Variants in FRY observed in about 807,000 individuals in gnomAD.
FRY encodes the protein FRY microtubule binding protein.
A neutral mutation model predicts 348.4 loss-of-function variants in FRY; 128 were observed. That is an observed-to-expected ratio of 0.37 (90% CI 0.32 to 0.43). FRY has a LOEUF of 0.43. Ranked by LOEUF, FRY falls within the 20% of genes least tolerant of loss-of-function variation. The pLI, the probability that FRY is intolerant of heterozygous loss-of-function variation, is 1.00. For synonymous variants in FRY, 1,370 were observed against 1,374.7 expected (o/e 1.00, Z 0.08); for missense variants, 2,736 against 3,695.2 (o/e 0.74, Z 6.73).
rs533521438 is a variant in FRY, at chr13:32,119,255, A to AG, written c.464+1784dup. ...GTGAGTTTCTGCTACTAGGAAAAAA[A>AG]GGTTGGGGGGACTTTAAGGAGGAGC... On this transcript the variant is annotated intron_variant, in intron 4 of 60. Transcript: ENST00000542859. Among the ~76,000 whole-genome samples, 44 of 152,254 alleles carry AG rather than the reference A, an allele frequency of 2.9e-4. No individual in the cohort carries two copies. In the East Asian group the frequency reaches 6.8e-3, roughly 23 times the overall value.
chr13:32,186,205 T>C, intron 26 of FRY, 55 bp from the exon 27 acceptor site: 1 of 1,229,020 alleles, frequency 8.1e-7, no homozygotes, highest in South Asian at 1.2e-5. Flanking sequence ...ATATATATAA[T>C]AGCGATATAC....
chr13:32,051,205 C>A (rs1412388535), intron 1 of FRY, among the ~76,000 whole-genome samples: 2 of 152,042 alleles, frequency 1.3e-5, no homozygotes, highest in African/African-American at 4.8e-5. Flanking sequence ...GACCGTTTCC[C>A]TTTTATTTGG....
chr13:32,081,305 G>T (rs928412341), intron 2 of FRY, among the ~76,000 whole-genome samples: 5 of 152,148 alleles, frequency 3.3e-5, no homozygotes, highest in South Asian at 2.1e-4. Context: ...CTGAAGAGAT[G>T]AATCTAATCA....
intron 55 of FRY, among the ~76,000 whole-genome samples, chr13:32,270,209 CT>C (rs754618805): frequency 0.05 from 7,071 of 140,558 alleles, 385 homozygotes; most frequent in African/African-American, 0.15. Context: ...TTTCTAAAAG[CT>C]TTTTTTTTTT....
intron 54 of FRY, 67 bp downstream of exon 54, chr13:32,265,683 CAAGTT>C (rs749667803): frequency 1.2e-4 from 177 of 1,455,046 alleles, no homozygotes; most frequent in East Asian, 1.9e-4. Context: ...CATTCACACT[CAAGTT>C]AAGTGTCACA....
rs568325364 is a variant in FRY, at chr13:32,243,890, G to A, written c.6688-152G>A. 8.5e-5 allele frequency: 67 copies of A among 789,082 alleles called. No individual in the cohort carries two copies. In the East Asian group the frequency reaches 1.3e-3, roughly 16 times the overall value. 48.9% of individuals were successfully genotyped at this position (789,082 alleles called of 1,614,324 possible). On this transcript the variant is annotated intron_variant, in intron 46 of 60. Coordinates refer to ENST00000542859, the MANE Select transcript of FRY (RefSeq NM_023037.3). ...GAGGATCTCTTGAGGCCAGGAGTTC[G>A]AGACTAGGCTGGGCAACATAGCAAG... is the stretch of plus-strand genomic sequence containing the variant.
intron 11 of FRY, among the ~76,000 whole-genome samples, chr13:32,142,366 A>C (rs927746314): frequency 6.6e-6 from 1 of 152,252 alleles, no homozygotes; most frequent in Non-Finnish European, 1.5e-5. Context: ...TGTGAAAATT[A>C]AAATGAGTTA....
Position 32,236,172 on chromosome 13 carries a change from G to A in FRY, c.5810G>A (p.Arg1937His), listed in dbSNP as rs897858265. ...AGTGACCTCCTAACTGTATTGTCCC[G>A]GTGAGAATCAGCTTAATGATACTTT... ...KNSDLLTVLS[R>H]SSSPDLSSSS... is the part of the protein sequence containing the mutation. The change falls in exon 43 of 61, where the codon CGC (arginine) becomes CAC (histidine). Residue 1937 changes from arginine (R) to histidine (H), a missense_variant and splice_region_variant. Arg to His is a conservative substitution (Grantham distance 29). Around this residue, in one of 9 missense-constraint regions of FRY, gnomAD observed 794 missense variants for 977.0 expected, o/e 0.81. Coordinates refer to ENST00000542859, the MANE Select transcript of FRY (RefSeq NM_023037.3). 6.2e-6 allele frequency: 10 copies of A among 1,603,506 alleles called. No homozygotes were observed. The highest frequency in any genetic ancestry group is 1.3e-5 in the African/African-American group (1 of 74,688).
intron 58 of FRY, among the ~76,000 whole-genome samples, chr13:32,279,120 T>G (rs111679332): frequency 1.3e-5 from 2 of 152,238 alleles, no homozygotes; most frequent in African/African-American, 4.8e-5. Context: ...GTGGAGCTTC[T>G]GATCTTGTCA....
intron 3 of FRY, among the ~76,000 whole-genome samples, chr13:32,112,932 T>C (rs1321145882): frequency 6.6e-6 from 1 of 152,240 alleles, no homozygotes; most frequent in African/African-American, 2.4e-5. Context: ...TAGTCAGCAT[T>C]GCTTTAATTA....
chr13:32,229,072 G>T (rs1885770403), intron 40 of FRY, among the ~76,000 whole-genome samples: 1 of 152,238 alleles, frequency 6.6e-6, no homozygotes, highest in African/African-American at 2.4e-5. Context: ...AGAAGCAGCT[G>T]CCAAGGGGAC....
rs1240380502 is a variant in FRY, at chr13:32,236,175, G to A, written c.5810+3G>A. On this transcript the variant is annotated splice_donor_region_variant and intron_variant, in intron 43 of 60. Coordinates refer to ENST00000542859, the MANE Select transcript of FRY (RefSeq NM_023037.3). ...GACCTCCTAACTGTATTGTCCCGGTGAGAATCAGCTTAATGATACTTTGAC... is the reference window on the plus strand; with the variant it reads ...GACCTCCTAACTGTATTGTCCCGGTAAGAATCAGCTTAATGATACTTTGAC... The A allele has an allele frequency of 6.2e-7, 1 of 1,600,380 alleles. No homozygotes were observed. Among genetic ancestry groups the A allele is most frequent in the Non-Finnish European group, 8.6e-7 (1 of 1,167,518 alleles).
In FRY at chr13:32,124,298, G is replaced by A. The variant is rs914449573; in HGVS notation, c.477G>A (p.Gln159=). Residue 159 remains glutamine, a synonymous_variant, in exon 5 of 61, where the codon CAG becomes CAA. Coordinates refer to ENST00000542859, the MANE Select transcript of FRY (RefSeq NM_023037.3). The part of the protein sequence containing the change: ...TSNKSKSDEQ[Q]RDYLMERRDL... ...TTAAATTTTACAGCGATGAACAACA[G>A]CGAGATTATTTAATGGAAAGACGGG... 1.9e-6 allele frequency: 3 copies of A among 1,588,112 alleles called. No individual in the cohort carries two copies. The highest frequency in any genetic ancestry group is 2.2e-5 in the East Asian group (1 of 44,738).
intron 16 of FRY, among the ~76,000 whole-genome samples, chr13:32,159,601 C>T (rs905675488): frequency 4.6e-5 from 7 of 152,140 alleles, no homozygotes; most frequent in African/African-American, 1.4e-4. Context: ...GCAAAGACTG[C>T]AGTAGTAAGA....
At position 32,297,773 on chromosome 13, in the gene FRY, G is replaced by A. The variant is rs1450967514; in HGVS notation, c.*2313G>A. 6.6e-6 allele frequency: 1 copy of A among 152,160 alleles called. No individual in the cohort carries two copies. The highest frequency in any genetic ancestry group is 2.1e-4 in the South Asian group (1 of 4,828). The allele number at this position is 152,160 out of a possible 1,614,324, so 9.4% of individuals were successfully genotyped here. ...GCTATTGCTCTGTGCCTCTGTTACAGAAGCATTAATGTTAATTGCCTTCCC... is the reference window on the plus strand; with the variant it reads ...GCTATTGCTCTGTGCCTCTGTTACAAAAGCATTAATGTTAATTGCCTTCCC... On this transcript the variant is annotated 3_prime_UTR_variant, in exon 61 of 61. Transcript: ENST00000542859.
chr13:32,295,673 C>G lies in FRY; in HGVS notation c.*213C>G. 1.7e-6 allele frequency: 1 copy of G among 597,466 alleles called. No individual in the cohort carries two copies. Among genetic ancestry groups the G allele is most frequent in the Non-Finnish European group, 3.0e-6 (1 of 334,656 alleles). The allele number at this position is 597,466 out of a possible 1,614,324, so 37.0% of individuals were successfully genotyped here. On this transcript the variant is annotated 3_prime_UTR_variant, in exon 61 of 61. Coordinates refer to ENST00000542859, the MANE Select transcript of FRY (RefSeq NM_023037.3). Reference sequence around the variant, plus strand: ...CTTAGAACGTCCTGGACAGACTCCACTCATCATGCTGTGTGGCACAAATGT... The same window carrying G: ...CTTAGAACGTCCTGGACAGACTCCAGTCATCATGCTGTGTGGCACAAATGT...
At chr13:32,079,535 C>T (rs1875341069) in intron 2 of FRY, among the ~76,000 whole-genome samples, 1 of 152,158 alleles carries the variant, frequency 6.6e-6, no homozygotes, top group African/African-American at 2.4e-5. Context: ...AATACCACTT[C>T]CATTTCTAAA....
chr13:32,036,965 T>A (rs987139573), intron 1 of FRY, among the ~76,000 whole-genome samples: 4 of 151,890 alleles, frequency 2.6e-5, no homozygotes, highest in Admixed American at 1.3e-4. Context: ...GTTCTTAGCC[T>A]TCTTCACCCT....
chr13:32,133,611 TG>T (rs1222989019), intron 8 of FRY, among the ~76,000 whole-genome samples: 2 of 152,104 alleles, frequency 1.3e-5, no homozygotes, highest in Non-Finnish European at 2.9e-5. Context: ...TATCTTGAGC[TG>T]AGGTCTTAAT....
Sources: gnomAD v4.1 joint callset for allele counts (sites outside exome capture counted in the v4.1 genomes callset) on GRCh38, gnomAD v4.1.1 for gene constraint, gnomAD v4.1.1 regional missense constraint, MANE v1.5 for transcripts, NCBI Gene and HGNC (gene_info 2026-07-23, HGNC 2026-07-21) for gene names.